Variants in SVIL observed in about 807,000 individuals in gnomAD.
SVIL encodes supervillin.
A neutral mutation model predicts 240.4 loss-of-function variants in SVIL; 101 were observed. That is an observed-to-expected ratio of 0.42 (90% CI 0.36 to 0.50). The LOEUF (loss-of-function observed/expected upper bound fraction) is 0.50, where lower values mean the gene tolerates loss of function less well. SVIL is among the 20% of genes least tolerant of loss of function. SVIL has a pLI of 0.01. For missense variants in SVIL, 2,512 were observed against 2,818.7 expected, an observed-to-expected ratio of 0.89 and a Z score of 2.46; for synonymous variants, 999 against 1,100.0, an observed-to-expected ratio of 0.91 and a Z score of 1.82.
In SVIL at chr10:29,545,187, C is replaced by T. The variant is rs542949217; in HGVS notation, c.827+5410G>A. ...AGACGGTTTTTAGACTAAAATCTCT[C>T]ATCAGGAGATGAGCAAATGCAATCA... On this transcript the variant is annotated intron_variant, in intron 6 of 37. Coordinates refer to ENST00000355867, the MANE Select transcript of SVIL (RefSeq NM_021738.3). The T allele has an allele frequency of 1.7e-5, 8 of 482,366 alleles. No individual in the cohort carries two copies. The East Asian group carries it at 2.9e-4, about 17-fold the overall frequency. 29.9% of individuals were successfully genotyped at this position (482,366 alleles called of 1,614,324 possible). A position where few individuals can be genotyped will look rare whatever the true frequency, so the allele number is the denominator to read the frequency against.
intron 3 of SVIL, among the ~76,000 whole-genome samples, chr10:29,648,304 C>T (rs1026661976): frequency 6.6e-6 from 1 of 152,170 alleles, no homozygotes; most frequent in Admixed American, 6.5e-5. Context: ...CTTTTGGGGC[C>T]GAGGTTTGTG....
chr10:29,695,957 C>A (rs1961942659), intron 1 of SVIL, among the ~76,000 whole-genome samples: 1 of 137,638 alleles, frequency 7.3e-6, no homozygotes, highest in Non-Finnish European at 1.6e-5. Context: ...CTCCCTCTCC[C>A]GTCTCCCTCT....
At chr10:29,637,465 C>A (rs1958350106), upstream of SVIL, among the ~76,000 whole-genome samples, 1 of 152,172 alleles carries the variant, frequency 6.6e-6, no homozygotes. Flanking sequence ...TGCACTCCAG[C>A]CTGGGCCACA....
intron 29 of SVIL, among the ~76,000 whole-genome samples, chr10:29,477,473 C>T (rs531196943): frequency 3.9e-4 from 60 of 152,300 alleles, no homozygotes; most frequent in Admixed American, 2.2e-3. Context: ...CCTAGCAGGC[C>T]GGCCAGCATT....
At chr10:29,599,886 C>T (rs1174203872) in intron 1 of SVIL, among the ~76,000 whole-genome samples, 2 of 151,872 alleles carry the variant, frequency 1.3e-5, no homozygotes, top group Non-Finnish European at 2.9e-5. Flanking sequence ...AATGACAGCC[C>T]TCTTCTGTTT....
chr10:29,628,283 T>C (rs982403558), intron 1 of SVIL, among the ~76,000 whole-genome samples: 1 of 152,216 alleles, frequency 6.6e-6, no homozygotes, highest in African/African-American at 2.4e-5. Context: ...GAGCGGTTTG[T>C]TTGTTTTGGA....
chr10:29,569,568 A>G (rs538948336), intron 1 of SVIL, among the ~76,000 whole-genome samples: 1 of 152,306 alleles, frequency 6.6e-6, no homozygotes, highest in South Asian at 2.1e-4. Flanking sequence ...TAATAACAAC[A>G]ATAATAACAA....
intron 12 of SVIL, among the ~76,000 whole-genome samples, chr10:29,528,244 T>G (rs111930260): frequency 3.2e-4 from 49 of 152,284 alleles, no homozygotes; most frequent in African/African-American, 1.1e-3. Flanking sequence ...AGGATATACT[T>G]AGCTACAAAT....
chr10:29,599,828 C>T (rs1027231942), intron 1 of SVIL, among the ~76,000 whole-genome samples: 2 of 151,982 alleles, frequency 1.3e-5, no homozygotes, highest in Non-Finnish European at 2.9e-5. Flanking sequence ...GGAATTTACA[C>T]CAAATGTGGA....
At chr10:29,496,232 G>T (rs1226480695) in intron 18 of SVIL, among the ~76,000 whole-genome samples, 1 of 152,158 alleles carries the variant, frequency 6.6e-6, no homozygotes, top group Non-Finnish European at 1.5e-5. Flanking sequence ...CTACAAGTAC[G>T]TCTCATTATA....
At chr10:29,517,517 G>A (rs1457727449) in intron 16 of SVIL, among the ~76,000 whole-genome samples, 3 of 152,200 alleles carry the variant, frequency 2.0e-5, no homozygotes, top group African/African-American at 4.8e-5. Flanking sequence ...TAAATCTGGG[G>A]CCCTCTAGTG....
At chr10:29,710,379 G>A (rs1244435311) in intron 1 of SVIL, among the ~76,000 whole-genome samples, 1 of 152,152 alleles carries the variant, frequency 6.6e-6, no homozygotes, top group African/African-American at 2.4e-5. Context: ...ATTCTTTACA[G>A]CTCTCTTTTC....
At chr10:29,588,623 A>G (rs550719249) in intron 1 of SVIL, among the ~76,000 whole-genome samples, 3 of 152,358 alleles carry the variant, frequency 2.0e-5, no homozygotes, top group Admixed American at 6.5e-5. Flanking sequence ...ATTCTCTGAC[A>G]GAGCGTGAAA....
intron 18 of SVIL, 102 bp downstream of exon 18, chr10:29,499,014 T>C: frequency 1.4e-6 from 2 of 1,454,934 alleles, no homozygotes; most frequent in Admixed American, 5.2e-5. Flanking sequence ...TGGTTTCTTC[T>C]TTTAAATTGA....
intron 17 of SVIL, among the ~76,000 whole-genome samples, chr10:29,509,608 G>A (rs984820063): frequency 5.9e-5 from 9 of 152,104 alleles, no homozygotes; most frequent in Non-Finnish European, 1.3e-4. Flanking sequence ...CAGCACTTTG[G>A]GAGGCCGAGG....
At chr10:29,727,871 C>T (rs769276537) in intron 1 of SVIL, among the ~76,000 whole-genome samples, 6 of 152,118 alleles carry the variant, frequency 3.9e-5, no homozygotes, top group Non-Finnish European at 5.9e-5. Context: ...TCAGGACCAA[C>T]GGTAGCCTGC....
chr10:29,651,618 TTCTCTCTCTCTC>T (rs9299622), intron 3 of SVIL, among the ~76,000 whole-genome samples: 15 of 135,328 alleles, frequency 1.1e-4, no homozygotes, highest in Non-Finnish European at 1.6e-4. Context: ...GCCACATGCA[TTCTCTCTCTCTC>T]TCTCTCTCTC....
chr10:29,459,752 G>A (rs895470805), intron 36 of SVIL, among the ~76,000 whole-genome samples: 3 of 152,176 alleles, frequency 2.0e-5, no homozygotes, highest in African/African-American at 7.2e-5. Flanking sequence ...ATGACTAAGA[G>A]CTGTTGCTCA....
intron 1 of SVIL, among the ~76,000 whole-genome samples, chr10:29,726,792 C>A (rs1964318686): frequency 6.6e-6 from 1 of 152,108 alleles, no homozygotes; most frequent in African/African-American, 2.4e-5. Flanking sequence ...GTCAAGCCCT[C>A]AAAGCCCTCA....
Sources: gnomAD v4.1 joint callset for allele counts (sites outside exome capture counted in the v4.1 genomes callset) on GRCh38, gnomAD v4.1.1 for gene constraint, MANE v1.5 for transcripts, NCBI Gene and HGNC (gene_info 2026-07-23, HGNC 2026-07-21) for gene names.